Variants in LRRIQ3 observed in about 807,000 individuals in gnomAD.
LRRIQ3 encodes leucine rich repeats and IQ motif containing 3, also known as leucine-rich repeat and IQ domain-containing protein 3.
LRRIQ3 carries 75 observed loss-of-function variants against 59.3 expected under a neutral mutation model. That is an observed-to-expected ratio of 1.26 (90% CI 1.05 to 1.53). LRRIQ3 has a LOEUF of 1.53. Ranked by LOEUF, LRRIQ3 falls within the 40% of genes most tolerant of loss-of-function variation. The probability of loss-of-function intolerance (pLI) is 0.00; values close to 1 mark genes in which losing one functional copy is unlikely to be tolerated. For missense variants in LRRIQ3, 831 were observed against 710.0 expected, an observed-to-expected ratio of 1.17 and a Z score of -1.94; for synonymous variants, 250 against 231.3, an observed-to-expected ratio of 1.08 and a Z score of -0.73.
chr1:74,179,261 A>G (rs1329920635), intron 3 of LRRIQ3, among the ~76,000 whole-genome samples: 1 of 151,944 alleles, frequency 6.6e-6, no homozygotes, highest in African/African-American at 2.4e-5. Context: ...GCAAAGAAGA[A>G]CCCATGCTTC....
At chr1:74,077,054 T>C (rs1646217705) in intron 5 of LRRIQ3, among the ~76,000 whole-genome samples, 2 of 152,054 alleles carry the variant, frequency 1.3e-5, no homozygotes, top group South Asian at 4.1e-4. Flanking sequence ...GTAATGCTGC[T>C]TCTATTTTCA....
chr1:74,106,327 A>C, intron 5 of LRRIQ3, among the ~76,000 whole-genome samples: 1 of 151,978 alleles, frequency 6.6e-6, no homozygotes, highest in East Asian at 1.9e-4. Context: ...ATAGGAACTA[A>C]ATCAGCACAA....
Position 74,135,954 on chromosome 1 carries a change from A to T in LRRIQ3, c.707+19779T>A, listed in dbSNP as rs544857489. 6.6e-5 allele frequency among the ~76,000 whole-genome samples: 10 copies of T among 152,028 alleles called. No individual in the cohort carries two copies. The South Asian group carries it at 1.9e-3, about 28-fold the overall frequency. Reference sequence around the variant, plus strand: ...AATAGTAGAGAAAATTAATAAAATCATTGATTCTTTGAAAATATCAACAAA... The same window carrying T: ...AATAGTAGAGAAAATTAATAAAATCTTTGATTCTTTGAAAATATCAACAAA... On this transcript the variant is annotated intron_variant, in intron 4 of 7. Transcript: ENST00000354431.
intron 7 of LRRIQ3, among the ~76,000 whole-genome samples, chr1:74,031,443 T>A (rs1653708730): frequency 6.6e-6 from 1 of 152,060 alleles, no homozygotes; most frequent in South Asian, 2.1e-4. Context: ...CAAAAAATGA[T>A]GAGTTCATGT....
chr1:74,062,968 T>A (rs1654765840), intron 6 of LRRIQ3, among the ~76,000 whole-genome samples: 1 of 151,744 alleles, frequency 6.6e-6, no homozygotes, highest in Non-Finnish European at 1.5e-5. Flanking sequence ...ATTCATATGT[T>A]CCCCTGAACC....
At chr1:74,061,231 T>C (rs534849650) in intron 6 of LRRIQ3, among the ~76,000 whole-genome samples, 1 of 152,186 alleles carries the variant, frequency 6.6e-6, no homozygotes, top group Admixed American at 6.5e-5. Context: ...ACTGGGGTGG[T>C]GAAAGATCTC....
Position 74,074,649 on chromosome 1 carries a change from C to T in LRRIQ3, c.997+12G>A. The T allele has an allele frequency of 8.1e-7, 1 of 1,237,750 alleles. No homozygotes were observed. Among genetic ancestry groups the T allele is most frequent in the African/African-American group, 1.6e-5 (1 of 62,910 alleles). The allele number at this position is 1,237,750 out of a possible 1,614,324, so 76.7% of individuals were successfully genotyped here. On this transcript the variant is annotated intron_variant, in intron 6 of 7. Transcript: ENST00000354431. Reference sequence around the variant, plus strand: ...TATTTATTAAATATAATTAAAAATTCATATAACTAACCTTTTTGAATGAGA... The same window carrying T: ...TATTTATTAAATATAATTAAAAATTTATATAACTAACCTTTTTGAATGAGA...
intron 5 of LRRIQ3, among the ~76,000 whole-genome samples, chr1:74,099,789 G>A (rs886244635): frequency 3.9e-5 from 6 of 152,100 alleles, no homozygotes; most frequent in Non-Finnish European, 8.8e-5. Context: ...CATATAAACA[G>A]AACCAAAGAC....
At chr1:74,141,994 C>T (rs867092164) in intron 4 of LRRIQ3, among the ~76,000 whole-genome samples, 3,202 of 151,700 alleles carry the variant, frequency 0.021, 110 homozygotes, top group African/African-American at 0.073. Context: ...CACACACACA[C>T]ACACACACAC....
intron 3 of LRRIQ3, among the ~76,000 whole-genome samples, chr1:74,158,562 A>C (rs1481381769): frequency 6.6e-6 from 1 of 152,070 alleles, no homozygotes; most frequent in East Asian, 1.9e-4. Context: ...CTTGATGTTG[A>C]TCTGCATTCA....
chr1:74,144,137 T>G (rs1647404905), intron 4 of LRRIQ3, among the ~76,000 whole-genome samples: 1 of 151,944 alleles, frequency 6.6e-6, no homozygotes, highest in African/African-American at 2.4e-5. Flanking sequence ...TTTTTTCTCT[T>G]TTCTCCTTAA....
intron 5 of LRRIQ3, among the ~76,000 whole-genome samples, chr1:74,103,625 A>G (rs899767492): frequency 7.2e-5 from 11 of 152,000 alleles, no homozygotes; most frequent in Non-Finnish European, 1.3e-4. Context: ...ATATTATAAA[A>G]GAAGGTGACC....
At chr1:74,156,186 G>C (rs1388923468) in intron 3 of LRRIQ3, among the ~76,000 whole-genome samples, 1 of 151,954 alleles carries the variant, frequency 6.6e-6, no homozygotes, top group Non-Finnish European at 1.5e-5. Context: ...ATCTGGTTGT[G>C]GGACCACCCC....
chr1:74,037,605 G>A (rs1485632271), intron 7 of LRRIQ3, among the ~76,000 whole-genome samples: 1 of 152,104 alleles, frequency 6.6e-6, no homozygotes, highest in Non-Finnish European at 1.5e-5. Context: ...ACTCCAGCTT[G>A]GGCAACAAGA....
At chr1:74,187,764 C>A (rs1381587519) in intron 1 of LRRIQ3, among the ~76,000 whole-genome samples, 1 of 151,908 alleles carries the variant, frequency 6.6e-6, no homozygotes, top group Admixed American at 6.6e-5. Flanking sequence ...CAAAAAAAGT[C>A]AAAAAATAAC....
At chr1:74,073,604 A>G (rs995287662) in intron 6 of LRRIQ3, among the ~76,000 whole-genome samples, 1 of 59,902 alleles carries the variant, frequency 1.7e-5, no homozygotes, top group Non-Finnish European at 4.5e-5. Flanking sequence ...TGAACAGTCC[A>G]TTCTTTAAAA....
chr1:74,071,587 T>C (rs888442875), intron 6 of LRRIQ3, among the ~76,000 whole-genome samples: 2 of 152,170 alleles, frequency 1.3e-5, no homozygotes, highest in African/African-American at 4.8e-5. Context: ...TTTGAGTCTT[T>C]TGATTGTATC....
At chr1:74,072,196 C>T (rs1051652681) in intron 6 of LRRIQ3, among the ~76,000 whole-genome samples, 2 of 151,988 alleles carry the variant, frequency 1.3e-5, no homozygotes, top group Non-Finnish European at 2.9e-5. Context: ...TTAATCTATA[C>T]TCTGTCAGAA....
chr1:74,109,645 C>A, intron 4 of LRRIQ3, 92 bp from the exon 5 acceptor site: 1 of 1,032,814 alleles, frequency 9.7e-7, no homozygotes, highest in Non-Finnish European at 1.4e-6. Flanking sequence ...TCTTAGAAAA[C>A]ATAGTGTTAA....
Sources: allele counts gnomAD v4.1 joint callset (sites outside exome capture counted in the v4.1 genomes callset), GRCh38; gene constraint gnomAD v4.1.1; transcripts MANE v1.5; gene names NCBI Gene and HGNC (gene_info 2026-07-23, HGNC 2026-07-21).